CELF2: variants seen among roughly 807,000 people sequenced by gnomAD.
CELF2 encodes the protein CUGBP Elav-like family member 2, also known as CUG triplet repeat RNA-binding protein 2.
A neutral mutation model predicts 62.6 loss-of-function variants in CELF2; 8 were observed. That is an observed-to-expected ratio of 0.13 (90% CI 0.07 to 0.23). The LOEUF (loss-of-function observed/expected upper bound fraction) is 0.23, where lower values mean the gene tolerates loss of function less well. CELF2 is among the 10% of genes least tolerant of loss of function. The pLI, the probability that CELF2 is intolerant of heterozygous loss-of-function variation, is 1.00. For missense variants in CELF2, 333 were observed against 671.0 expected (o/e 0.50, Z 5.56); for synonymous variants, 258 against 250.0 (o/e 1.03, Z -0.30).
intron 2 of CELF2, among the ~76,000 whole-genome samples, chr10:10,974,844 G>A (rs1294690299): frequency 6.6e-6 from 1 of 152,176 alleles, no homozygotes; most frequent in African/African-American, 2.4e-5. Flanking sequence ...CAATGCAGAG[G>A]TGAACTTCTG....
At chr10:11,193,251 T>C (rs2056508649) in intron 2 of CELF2, among the ~76,000 whole-genome samples, 1 of 152,100 alleles carries the variant, frequency 6.6e-6, no homozygotes, top group African/African-American at 2.4e-5. Flanking sequence ...TGTCATTGCT[T>C]CCTGGTTGGA....
At chr10:10,547,270 C>T in the CELF2 span, among the ~76,000 whole-genome samples, 1 of 152,282 alleles carries the variant, frequency 6.6e-6, no homozygotes, top group Middle Eastern at 3.4e-3. Context: ...GCTGCAGCCC[C>T]CACTAGCCAG....
intron 2 of CELF2, among the ~76,000 whole-genome samples, chr10:11,168,177 C>T (rs1429209384): frequency 6.6e-6 from 1 of 152,104 alleles, no homozygotes; most frequent in Non-Finnish European, 1.5e-5. Context: ...TACATCATTC[C>T]CACCCCATGA....
chr10:10,769,571 TG>T, the CELF2 span, among the ~76,000 whole-genome samples: 1 of 152,120 alleles, frequency 6.6e-6, no homozygotes. Context: ...AAGACCAGCC[TG>T]GCCAACATGG....
At chr10:10,584,228 T>C in the CELF2 span, among the ~76,000 whole-genome samples, 4 of 152,162 alleles carry the variant, frequency 2.6e-5, no homozygotes, top group Admixed American at 1.3e-4. Flanking sequence ...AATTGAGCAA[T>C]GAACGATTTG....
At chr10:10,529,455 C>T in the CELF2 span, among the ~76,000 whole-genome samples, 1 of 152,010 alleles carries the variant, frequency 6.6e-6, no homozygotes, top group Non-Finnish European at 1.5e-5. Context: ...GGGAGGCCAA[C>T]GTGGGCGGAT....
intron 1 of CELF2, among the ~76,000 whole-genome samples, chr10:10,849,043 TC>T (rs1177421016): frequency 6.6e-6 from 1 of 152,054 alleles, no homozygotes; most frequent in Non-Finnish European, 1.5e-5. Flanking sequence ...AACAACAATA[TC>T]CATTTTGGCT....
chr10:10,662,443 C>T, the CELF2 span, among the ~76,000 whole-genome samples: 53 of 152,264 alleles, frequency 3.5e-4, no homozygotes, highest in African/African-American at 1.3e-3. Context: ...ACCACAGAGA[C>T]AACGCAAGCT....
At position 10,984,437 on chromosome 10, in the gene CELF2, T is replaced by C. The variant is rs140475989; in HGVS notation, c.89+64438T>C. ...TAGCTAGATGGATAATTGTACAGCC[T>C]CTCAATTACTTTAGGTTATGTGGAC... On this transcript the variant is annotated intron_variant, in intron 2 of 13. Coordinates refer to the CELF2 transcript ENST00000636488. Among the ~76,000 whole-genome samples, 22 of 152,362 alleles carry C rather than the reference T, an allele frequency of 1.4e-4. No homozygotes were observed. The East Asian group carries it at 3.9e-3, about 27-fold the overall frequency.
intron 1 of CELF2, among the ~76,000 whole-genome samples, chr10:11,033,210 C>T (rs1390980918): frequency 1.3e-5 from 2 of 151,492 alleles, no homozygotes; most frequent in Admixed American, 6.6e-5. Flanking sequence ...TTGTACATCT[C>T]ATGAATTCTT....
At chr10:11,201,607 G>T (rs1387454978) in intron 2 of CELF2, among the ~76,000 whole-genome samples, 1 of 152,210 alleles carries the variant, frequency 6.6e-6, no homozygotes, top group South Asian at 2.1e-4. Context: ...CATGAGCTCT[G>T]TTCCAGTGTT....
intron 2 of CELF2, among the ~76,000 whole-genome samples, chr10:10,978,507 T>C (rs1188130258): frequency 6.6e-6 from 1 of 152,168 alleles, no homozygotes; most frequent in Non-Finnish European, 1.5e-5. Flanking sequence ...CTGACGTGGT[T>C]TGTGTGTTTT....
rs796709955 is a variant in CELF2 at position 10,947,574 on chromosome 10, G to T, written c.89+27575G>T. 21 of 152,744 alleles carry T rather than the reference G, an allele frequency of 1.4e-4. No individual in the cohort carries two copies. Among genetic ancestry groups the T allele is most frequent in the African/African-American group, 4.8e-4 (20 of 41,548 alleles). 9.5% of individuals were successfully genotyped at this position (152,744 alleles called of 1,614,324 possible). A position where few individuals can be genotyped will look rare whatever the true frequency, so the allele number is the denominator to read the frequency against. On this transcript the variant is annotated intron_variant, in intron 2 of 13. Coordinates refer to the CELF2 transcript ENST00000636488. The surrounding 1 kb of genome is among the most constrained non-coding windows in gnomAD (Gnocchi z 4.1). The stretch of plus-strand genomic sequence containing the variant: ...TTGAATTCCTAACAAGCATATGAAA[G>T]AGGAAATCAGTGTCCTATTGCCTCG...
chr10:10,948,483 G>A (rs2047945159), intron 2 of CELF2: 1 of 152,200 alleles, frequency 6.6e-6, no homozygotes, highest in Non-Finnish European at 1.5e-5. Context: ...CGTACCTTCT[G>A]TGTTGGGCCT....
chr10:10,676,326 A>G, the CELF2 span, among the ~76,000 whole-genome samples: 2 of 152,166 alleles, frequency 1.3e-5, no homozygotes, highest in Admixed American at 1.3e-4. Flanking sequence ...ACAGCTGGGT[A>G]GAGTTGAACT....
intron 1 of CELF2, among the ~76,000 whole-genome samples, chr10:11,122,664 A>G (rs1199026090): frequency 6.6e-6 from 1 of 152,234 alleles, no homozygotes; most frequent in East Asian, 1.9e-4. Context: ...CTTTAACACT[A>G]TGAGAAACAG....
the CELF2 span, among the ~76,000 whole-genome samples, chr10:10,608,426 A>G: frequency 0.28 from 42,770 of 151,910 alleles, 6,333 homozygotes; most frequent in South Asian, 0.51. Flanking sequence ...GACTTAGTGC[A>G]TCCCACAGGA....
At chr10:11,124,615 T>G (rs1350314141) in intron 1 of CELF2, among the ~76,000 whole-genome samples, 2 of 152,188 alleles carry the variant, frequency 1.3e-5, no homozygotes, top group Non-Finnish European at 2.9e-5. Context: ...TAAGGCATTA[T>G]CAGTCTGTTA....
chr10:10,589,564 GCTGTGGCTGGTGCTGTTA>G, the CELF2 span, among the ~76,000 whole-genome samples: 4 of 152,156 alleles, frequency 2.6e-5, no homozygotes, highest in African/African-American at 9.7e-5. Context: ...GAGCTAGGTA[GCTGTGGCTGGTGCTGTTA>G]ACCCCATTTG....
Sources: allele counts gnomAD v4.1 joint callset (sites outside exome capture counted in the v4.1 genomes callset), GRCh38; gene constraint gnomAD v4.1.1; non-coding constraint Gnocchi (gnomAD v3.1); transcripts MANE v1.5; gene names NCBI Gene and HGNC (gene_info 2026-07-23, HGNC 2026-07-21).